The following ATP2C2 variants were observed in gnomAD, a reference collection of about 807,000 sequenced individuals.
ATP2C2 encodes ATPase secretory pathway Ca2+ transporting 2, also known as calcium-transporting ATPase type 2C member 2.
Under a neutral mutation model 110.8 loss-of-function variants are expected in ATP2C2, and 171 were observed. That is an observed-to-expected ratio of 1.54 (90% confidence interval 1.36 to 1.75). ATP2C2 has a LOEUF of 1.75. ATP2C2 is among the 40% of genes most tolerant of loss of function. The pLI, the probability that ATP2C2 is intolerant of heterozygous loss-of-function variation, is 0.00. For synonymous variants in ATP2C2, 804 were observed against 508.4 expected, an observed-to-expected ratio of 1.58 and a Z score of -7.82; for missense variants, 1,963 against 1,235.0, an observed-to-expected ratio of 1.59 and a Z score of -8.84.
At chr16:84,454,687 G>A in intron 20 of ATP2C2, 131 bp from the exon 21 acceptor site, 2 of 939,420 alleles carry the variant, frequency 2.1e-6, no homozygotes, top group Non-Finnish European at 3.0e-6. Flanking sequence ...AGCTAATGTG[G>A]GTGAAGCTGG....
intron 11 of ATP2C2, among the ~76,000 whole-genome samples, chr16:84,436,763 GT>G (rs10651589): frequency 1.9e-4 from 23 of 124,090 alleles, no homozygotes; most frequent in East Asian, 4.7e-4. Context: ...AGCGAAGGCT[GT>G]TTTTTTTTTT....
chr16:84,461,918 G>C lies in ATP2C2; in HGVS notation c.2581-70G>C, dbSNP rs1911397225. 10 of 1,608,168 alleles carry C rather than the reference G, an allele frequency of 6.2e-6. 1 individual carries two copies. In the East Asian group the frequency reaches 1.6e-4, roughly 25 times the overall value. The stretch of plus-strand genomic sequence containing the variant: ...GAGCGGCTCTGGCTCAGCGTGGGCA[G>C]TCAGAGCTCCCCTGCCTGTACCTGG... On this transcript the variant is annotated intron_variant, in intron 25 of 26. Transcript: ENST00000262429.
At position 84,391,969 on chromosome 16, in the gene ATP2C2, G is replaced by C. The variant is rs116174182; in HGVS notation, c.100-6530G>C. On this transcript the variant is annotated intron_variant, in intron 1 of 26. Coordinates refer to ENST00000262429, the MANE Select transcript of ATP2C2 (RefSeq NM_014861.4). ...ATATTACGACGATTGTTCTGCAAAA[G>C]GTTTTTTTTTTAATTTGATGACATA... is the stretch of plus-strand genomic sequence containing the variant. 3.7e-3 allele frequency among the ~76,000 whole-genome samples: 561 copies of C among 151,282 alleles called. 7 individuals carry two copies. The highest frequency in any genetic ancestry group is 0.013 in the African/African-American group (544 of 41,216).
chr16:84,461,582 G>A, intron 24 of ATP2C2, 132 bp from the exon 25 acceptor site: 1 of 799,028 alleles, frequency 1.3e-6, no homozygotes, highest in Non-Finnish European at 2.2e-6. Context: ...AGGAAGCTGT[G>A]TGACCGATTC....
At chr16:84,444,437 C>T (rs1170546071) in intron 15 of ATP2C2, among the ~76,000 whole-genome samples, 3 of 152,190 alleles carry the variant, frequency 2.0e-5, no homozygotes, top group Non-Finnish European at 2.9e-5. Flanking sequence ...CGTACCATTG[C>T]ACTCCAGCCT....
chr16:84,433,942 G>A (rs1304774975), intron 11 of ATP2C2, among the ~76,000 whole-genome samples: 3 of 152,132 alleles, frequency 2.0e-5, no homozygotes, highest in Non-Finnish European at 4.4e-5. Flanking sequence ...TTGCACGTGG[G>A]AGACACTTTC....
intron 6 of ATP2C2, among the ~76,000 whole-genome samples, chr16:84,414,941 C>G (rs904966747): frequency 6.6e-6 from 1 of 151,972 alleles, no homozygotes; most frequent in Non-Finnish European, 1.5e-5. Context: ...GGGGCCAGGT[C>G]GGAGGTCAGA....
At chr16:84,455,187 T>G (rs780635584) in intron 21 of ATP2C2, among the ~76,000 whole-genome samples, 59 of 151,954 alleles carry the variant, frequency 3.9e-4, no homozygotes, top group Non-Finnish European at 7.9e-4. Flanking sequence ...GGGTCCATGA[T>G]GCCTGGGGCT....
At position 84,449,313 on chromosome 16, in the gene ATP2C2, C is replaced by T. The variant is rs559424853; in HGVS notation, c.1660+624C>T. ...GCTGGCAGGCTTGCTCAGAGGTGTA[C>T]GGGGCGAGACCCTTGCGGCTTTCTG... On this transcript the variant is annotated intron_variant, in intron 17 of 26. Transcript: ENST00000262429. 7.2e-4 allele frequency among the ~76,000 whole-genome samples: 110 copies of T among 152,306 alleles called. 2 individuals carry two copies. In the South Asian group the frequency reaches 0.022, roughly 31 times the overall value.
chr16:84,406,579 TC>T, intron 3 of ATP2C2: 1 of 985,594 alleles, frequency 1.0e-6, no homozygotes, highest in Non-Finnish European at 1.2e-6. Flanking sequence ...CCCTCCCTGA[TC>T]AAGGCTCAGT....
At chr16:84,436,228 G>T (rs1908723462) in intron 11 of ATP2C2, among the ~76,000 whole-genome samples, 2 of 152,202 alleles carry the variant, frequency 1.3e-5, no homozygotes. Context: ...TAAAAATTGG[G>T]AGTTTGCATG....
intron 7 of ATP2C2, among the ~76,000 whole-genome samples, chr16:84,421,033 T>G (rs1907285541): frequency 6.6e-6 from 1 of 152,274 alleles, no homozygotes; most frequent in East Asian, 1.9e-4. Flanking sequence ...CTCGAACTCC[T>G]GACTTCAAGT....
intron 7 of ATP2C2, among the ~76,000 whole-genome samples, chr16:84,419,945 G>C (rs536651020): frequency 6.6e-6 from 1 of 152,170 alleles, no homozygotes; most frequent in African/African-American, 2.4e-5. Flanking sequence ...GCTTCCTGGA[G>C]ATAGCAGCTT....
intron 1 of ATP2C2, among the ~76,000 whole-genome samples, chr16:84,378,961 T>C (rs995301590): frequency 6.6e-6 from 1 of 152,108 alleles, no homozygotes; most frequent in Non-Finnish European, 1.5e-5. Context: ...CACCTACTTT[T>C]TTTTTTCAAC....
At chr16:84,458,666 G>C (rs1198516877) in intron 21 of ATP2C2, among the ~76,000 whole-genome samples, 1 of 152,224 alleles carries the variant, frequency 6.6e-6, no homozygotes, top group Non-Finnish European at 1.5e-5. Context: ...GCCTTCTAAA[G>C]ACAGAAGCAG....
chr16:84,409,073 A>G (rs1031530344), intron 4 of ATP2C2, among the ~76,000 whole-genome samples: 1 of 151,914 alleles, frequency 6.6e-6, no homozygotes, highest in South Asian at 2.1e-4. Flanking sequence ...ATCTTTTTCT[A>G]TCTCTGTGGG....
intron 1 of ATP2C2, among the ~76,000 whole-genome samples, chr16:84,390,985 G>A (rs2151408549): frequency 6.6e-6 from 1 of 151,986 alleles, no homozygotes; most frequent in South Asian, 2.1e-4. Flanking sequence ...GTGGTGGTGG[G>A]CACCTGTAAT....
At chr16:84,412,900 A>AGCCTG (rs1346799439) in intron 6 of ATP2C2, among the ~76,000 whole-genome samples, 15 of 151,840 alleles carry the variant, frequency 9.9e-5, no homozygotes, top group Non-Finnish European at 1.9e-4. Context: ...GTTCAAGACC[A>AGCCTG]GCCTGGCCAA....
intron 7 of ATP2C2, among the ~76,000 whole-genome samples, chr16:84,417,314 G>A (rs1284773406): frequency 6.6e-6 from 1 of 152,134 alleles, no homozygotes; most frequent in African/African-American, 2.4e-5. Context: ...CTCCTAGGGC[G>A]TGACTCGGGG....
Sources: gnomAD v4.1 joint callset for allele counts (sites outside exome capture counted in the v4.1 genomes callset) on GRCh38, gnomAD v4.1.1 for gene constraint, MANE v1.5 for transcripts, NCBI Gene and HGNC (gene_info 2026-07-23, HGNC 2026-07-21) for gene names.